LTBP1: variants seen among roughly 807,000 people sequenced by gnomAD.
LTBP1 encodes latent-transforming growth factor beta-binding protein 1.
In LTBP1, 129 loss-of-function variants were observed where a neutral mutation model predicts 207.6. The ratio of observed to expected loss-of-function variants is 0.62; its 90% CI spans 0.54 to 0.72. LTBP1 has a LOEUF of 0.72. LTBP1 is among the 30% of genes least tolerant of loss of function. The pLI is 0.00. For missense variants in LTBP1, 2,281 were observed against 2,217.2 expected (o/e 1.03, Z -0.58); for synonymous variants, 963 against 833.7 (o/e 1.16, Z -2.67).
At chr2:33,366,027 C>A (rs78975301) in intron 31 of LTBP1, among the ~76,000 whole-genome samples, 6,011 of 152,250 alleles carry the variant, frequency 0.039, 126 homozygotes, top group Non-Finnish European at 0.053. Flanking sequence ...CTTTCAAGTT[C>A]TAGATCTATC....
chr2:33,313,063 T>TA, intron 23 of LTBP1, among the ~76,000 whole-genome samples: 1 of 152,228 alleles, frequency 6.6e-6, no homozygotes, highest in African/African-American at 2.4e-5. Flanking sequence ...TACCAATAGG[T>TA]AGAGAACAAA....
chr2:33,099,586 CTG>C (rs1189603785), intron 3 of LTBP1, among the ~76,000 whole-genome samples: 1 of 152,174 alleles, frequency 6.6e-6, no homozygotes, highest in East Asian at 1.9e-4. Context: ...AATGAAGAGA[CTG>C]AGACTTAGAG....
chr2:33,307,037 G>A (rs894198503), intron 22 of LTBP1, among the ~76,000 whole-genome samples: 2 of 152,118 alleles, frequency 1.3e-5, no homozygotes, highest in African/African-American at 2.4e-5. Context: ...GCAGTGAGCC[G>A]AGATACACCG....
intron 3 of LTBP1, among the ~76,000 whole-genome samples, chr2:33,033,081 G>A (rs2075761228): frequency 6.6e-6 from 1 of 152,094 alleles, no homozygotes; most frequent in Admixed American, 6.5e-5. Context: ...GAAATGATTG[G>A]GACTTTCAAT....
chr2:33,199,719 G>C (rs1011550465), intron 7 of LTBP1, among the ~76,000 whole-genome samples: 2 of 152,164 alleles, frequency 1.3e-5, no homozygotes, highest in Non-Finnish European at 2.9e-5. Context: ...TGTATATCTA[G>C]AAAACCCCAT....
At chr2:33,049,477 T>C (rs915808971) in intron 3 of LTBP1, among the ~76,000 whole-genome samples, 1 of 152,174 alleles carries the variant, frequency 6.6e-6, no homozygotes, top group African/African-American at 2.4e-5. Context: ...TATTAACATA[T>C]ACTGGACTTA....
intron 2 of LTBP1, among the ~76,000 whole-genome samples, chr2:32,969,027 G>C (rs1182862800): frequency 6.6e-6 from 1 of 151,382 alleles, no homozygotes; most frequent in Non-Finnish European, 1.5e-5. Context: ...CAGGGCTCGA[G>C]CAATTCCCCT....
intron 10 of LTBP1, among the ~76,000 whole-genome samples, chr2:33,251,189 A>C (rs1019094742): frequency 2.0e-5 from 3 of 152,142 alleles, no homozygotes; most frequent in Non-Finnish European, 4.4e-5. Context: ...TTTTGCACAG[A>C]ATCTACTAAC....
At chr2:33,301,841 G>A (rs1397362899) in intron 22 of LTBP1, among the ~76,000 whole-genome samples, 197 bp downstream of exon 22, 1 of 152,116 alleles carries the variant, frequency 6.6e-6, no homozygotes, top group Non-Finnish European at 1.5e-5. Context: ...TGCACTGCTT[G>A]GAGCTGTCTT....
At chr2:33,177,869 T>A (rs2086216468) in intron 5 of LTBP1, among the ~76,000 whole-genome samples, 1 of 152,198 alleles carries the variant, frequency 6.6e-6, no homozygotes, top group Admixed American at 6.5e-5. Flanking sequence ...TAAACTGTAA[T>A]CTGAACACTC....
intron 31 of LTBP1, among the ~76,000 whole-genome samples, chr2:33,388,728 T>A (rs1489913962): frequency 6.6e-6 from 1 of 152,208 alleles, no homozygotes; most frequent in Non-Finnish European, 1.5e-5. Context: ...TGGTGCTGTA[T>A]CATTTTTGGA....
At chr2:33,239,661 G>C (rs1475883224) in intron 9 of LTBP1, among the ~76,000 whole-genome samples, 2 of 151,838 alleles carry the variant, frequency 1.3e-5, no homozygotes, top group African/African-American at 4.8e-5. Context: ...GGGAGGCCGA[G>C]GTGGGCGGAT....
At chr2:33,140,537 T>A (rs2082558931) in intron 5 of LTBP1, among the ~76,000 whole-genome samples, 1 of 152,194 alleles carries the variant, frequency 6.6e-6, no homozygotes, top group African/African-American at 2.4e-5. Context: ...CAATTTAGAA[T>A]GCCTAAGAAC....
At chr2:32,980,472 G>T (rs1682593845) in intron 2 of LTBP1, among the ~76,000 whole-genome samples, 1 of 152,056 alleles carries the variant, frequency 6.6e-6, no homozygotes, top group South Asian at 2.1e-4. Context: ...TTTCAAGCAA[G>T]TAAAAAGAAA....
chr2:33,010,241 G>A (rs555055155), intron 2 of LTBP1, among the ~76,000 whole-genome samples: 89 of 152,340 alleles, frequency 5.8e-4, no homozygotes, highest in African/African-American at 2.1e-3. Flanking sequence ...AACAGATTCC[G>A]TGGAAAAGCG....
At chr2:33,275,521 C>T (rs1254621206) in intron 17 of LTBP1, among the ~76,000 whole-genome samples, 1 of 152,002 alleles carries the variant, frequency 6.6e-6, no homozygotes, top group South Asian at 2.1e-4. Context: ...CCTGTCTCTA[C>T]TAAAAATACA....
chr2:33,287,312 A>G (rs1305081575), intron 19 of LTBP1, among the ~76,000 whole-genome samples: 1 of 152,242 alleles, frequency 6.6e-6, no homozygotes, highest in Non-Finnish European at 1.5e-5. Context: ...TAGGTAATAA[A>G]TGTCAGAACT....
At chr2:32,948,410 G>A (rs1192987513) in intron 1 of LTBP1, among the ~76,000 whole-genome samples, 1 of 152,140 alleles carries the variant, frequency 6.6e-6, no homozygotes, top group East Asian at 1.9e-4. Flanking sequence ...TTCCCGTTGT[G>A]GGAATTCATC....
chr2:33,120,524 C>CT (rs1558662410), intron 4 of LTBP1, among the ~76,000 whole-genome samples: 1 of 152,106 alleles, frequency 6.6e-6, no homozygotes, highest in Non-Finnish European at 1.5e-5. Context: ...TGATCTCATT[C>CT]TTTTTTATGG....
Sources: gnomAD v4.1 joint callset for allele counts (sites outside exome capture counted in the v4.1 genomes callset) on GRCh38, gnomAD v4.1.1 for gene constraint, MANE v1.5 for transcripts, NCBI Gene and HGNC (gene_info 2026-07-23, HGNC 2026-07-21) for gene names.